Variants in BMPR1B observed in about 807,000 individuals in gnomAD.
BMPR1B encodes bone morphogenetic protein receptor type-1B.
A neutral mutation model predicts 59.1 loss-of-function variants in BMPR1B; 12 were observed. The ratio of observed to expected loss-of-function variants is 0.20; its 90% CI spans 0.13 to 0.33. BMPR1B has a LOEUF of 0.33. Ranked by LOEUF, BMPR1B falls within the 10% of genes least tolerant of loss-of-function variation. The probability of loss-of-function intolerance (pLI) is 1.00; values close to 1 mark genes in which losing one functional copy is unlikely to be tolerated. For missense variants in BMPR1B, 550 were observed against 610.9 expected, an observed-to-expected ratio of 0.90 and a Z score of 1.05; for synonymous variants, 237 against 207.3, an observed-to-expected ratio of 1.14 and a Z score of -1.23.
At chr4:94,892,967 A>G (rs894695545) in intron 2 of BMPR1B, among the ~76,000 whole-genome samples, 4 of 152,042 alleles carry the variant, frequency 2.6e-5, no homozygotes, top group Admixed American at 6.6e-5. Context: ...AAGTGGGGAT[A>G]TCAGTCCTGC....
intron 3 of BMPR1B, among the ~76,000 whole-genome samples, chr4:95,058,827 C>G (rs1356969636): frequency 2.6e-5 from 4 of 151,928 alleles, no homozygotes; most frequent in Non-Finnish European, 5.9e-5. Flanking sequence ...CTATTTTTTT[C>G]AGATCTGAAG....
Position 95,125,014 on chromosome 4 carries a change from A to G in BMPR1B, c.478A>G (p.Ser160Gly). ...AAGACAAGAAACCAGACCTCGATAC[A>G]GCATTGGGTTAGAACAGGATGAAAC... ...YKRQETRPRY[S>G]IGLEQDETYI... The change falls in exon 8 of 13, where the codon AGC becomes GGC. Residue 160 changes from serine (S) to glycine (G), a missense_variant. Transcript: ENST00000515059. 6.2e-7 allele frequency: 1 copy of G among 1,613,522 alleles called. No individual in the cohort carries two copies.
At chr4:95,026,904 G>C (rs985432206) in intron 3 of BMPR1B, among the ~76,000 whole-genome samples, 2 of 151,706 alleles carry the variant, frequency 1.3e-5, no homozygotes, top group African/African-American at 4.8e-5. Flanking sequence ...GGGACTAAAG[G>C]CATGCCACCA....
intron 2 of BMPR1B, among the ~76,000 whole-genome samples, chr4:94,936,024 G>T (rs569362978): frequency 3.6e-4 from 55 of 152,102 alleles, no homozygotes; most frequent in African/African-American, 1.3e-3. Flanking sequence ...GTTTCACAGT[G>T]GTAAAGTCAG....
intron 6 of BMPR1B, among the ~76,000 whole-genome samples, chr4:95,121,885 A>C (rs1400285379): frequency 2.6e-5 from 4 of 152,216 alleles, no homozygotes; most frequent in Non-Finnish European, 5.9e-5. Flanking sequence ...TTATTAAGGA[A>C]ATAATCATTA....
At chr4:94,800,495 A>C (rs1225618094) in intron 1 of BMPR1B, among the ~76,000 whole-genome samples, 2 of 149,854 alleles carry the variant, frequency 1.3e-5, no homozygotes, top group African/African-American at 4.9e-5. Context: ...TTAGTGAAAA[A>C]GACAAGGACT....
At chr4:94,897,326 G>C (rs541068966) in intron 2 of BMPR1B, among the ~76,000 whole-genome samples, 3 of 152,054 alleles carry the variant, frequency 2.0e-5, no homozygotes, top group Middle Eastern at 3.4e-3. Context: ...ATCTATTCCC[G>C]CGTGACTCAT....
At chr4:95,008,290 C>T (rs895200211) in intron 3 of BMPR1B, among the ~76,000 whole-genome samples, 8 of 152,138 alleles carry the variant, frequency 5.3e-5, no homozygotes, top group Admixed American at 5.2e-4. Flanking sequence ...GAATTTGTCA[C>T]CTCGATTTTC....
chr4:95,039,888 GA>G (rs1329163604), intron 3 of BMPR1B, among the ~76,000 whole-genome samples: 1 of 152,140 alleles, frequency 6.6e-6, no homozygotes, highest in Non-Finnish European at 1.5e-5. Flanking sequence ...AGCATGTCAT[GA>G]CTCTGAACCA....
chr4:94,777,389 GTTT>G (rs951334062), intron 1 of BMPR1B, among the ~76,000 whole-genome samples: 5 of 151,996 alleles, frequency 3.3e-5, no homozygotes, highest in African/African-American at 4.8e-5. Flanking sequence ...ATAAACAGGA[GTTT>G]TTACTGCTTA....
chr4:95,019,472 A>G (rs1723816896), intron 3 of BMPR1B, among the ~76,000 whole-genome samples: 2 of 152,186 alleles, frequency 1.3e-5, no homozygotes, highest in Non-Finnish European at 2.9e-5. Context: ...TAGAGAATGC[A>G]TATTTTGTTC....
chr4:95,057,058 T>C (rs947652649), intron 3 of BMPR1B, among the ~76,000 whole-genome samples: 2 of 152,218 alleles, frequency 1.3e-5, no homozygotes, highest in Non-Finnish European at 2.9e-5. Flanking sequence ...GAAGCTAAGC[T>C]TCTCAGAAGA....
intron 1 of BMPR1B, among the ~76,000 whole-genome samples, chr4:94,800,855 A>G (rs1723380438): frequency 6.6e-6 from 1 of 152,228 alleles, no homozygotes. Context: ...AAAGGTTTAT[A>G]TAAAAACAAA....
intron 2 of BMPR1B, among the ~76,000 whole-genome samples, chr4:94,903,110 T>C (rs1442908826): frequency 6.6e-6 from 1 of 152,074 alleles, no homozygotes; most frequent in East Asian, 1.9e-4. Flanking sequence ...GTGCATATTA[T>C]ATGCAAAATA....
chr4:94,962,719 C>G (rs1406024585), intron 2 of BMPR1B, among the ~76,000 whole-genome samples: 1 of 152,098 alleles, frequency 6.6e-6, no homozygotes, highest in East Asian at 1.9e-4. Flanking sequence ...TTTCTTTATC[C>G]ATTCATTGTT....
chr4:94,935,889 T>G (rs1377243874), intron 2 of BMPR1B, among the ~76,000 whole-genome samples: 1 of 152,178 alleles, frequency 6.6e-6, no homozygotes, highest in Admixed American at 6.5e-5. Flanking sequence ...CTTTCTAAAG[T>G]TATGTTGCCT....
rs1725600785 is a variant in BMPR1B at position 94,852,367 on chromosome 4, A to T, written c.-182-23464A>T. On this transcript the variant is annotated intron_variant, in intron 1 of 12. Coordinates refer to ENST00000515059, the MANE Select transcript of BMPR1B (RefSeq NM_001203.3). ...ATATGTATACACACATATGGACATT[A>T]CTATGTCTAATTTTGAGGAATGATA... Among the ~76,000 whole-genome samples, 3 of 152,278 alleles carry T rather than the reference A, an allele frequency of 2.0e-5. No homozygotes were observed. The South Asian group carries it at 6.2e-4, about 32-fold the overall frequency.
At chr4:94,840,973 C>T (rs1462169498) in intron 1 of BMPR1B, among the ~76,000 whole-genome samples, 1 of 146,616 alleles carries the variant, frequency 6.8e-6, no homozygotes, top group African/African-American at 2.5e-5. Context: ...GTTAGTTTTC[C>T]TTCTAACAGA....
At chr4:94,788,561 A>C (rs1367735116) in intron 1 of BMPR1B, among the ~76,000 whole-genome samples, 3 of 152,150 alleles carry the variant, frequency 2.0e-5, no homozygotes, top group East Asian at 3.9e-4. Flanking sequence ...AATCTGACGT[A>C]GGAGGTGCAG....
Sources: gnomAD v4.1 joint callset for allele counts (sites outside exome capture counted in the v4.1 genomes callset) on GRCh38, gnomAD v4.1.1 for gene constraint, MANE v1.5 for transcripts, NCBI Gene and HGNC (gene_info 2026-07-23, HGNC 2026-07-21) for gene names.